TFCP2L1: variants seen among roughly 807,000 people sequenced by gnomAD.
TFCP2L1 encodes the protein transcription factor CP2-like protein 1.
In TFCP2L1, 12 loss-of-function variants were observed where a neutral mutation model predicts 72.2. The observed-to-expected ratio is 0.17, with a 90% CI of 0.11 to 0.27. The LOEUF (loss-of-function observed/expected upper bound fraction) is 0.27. Among genes scored for constraint, TFCP2L1 ranks in the 10% least tolerant of loss-of-function variants. TFCP2L1 has a pLI of 1.00. For synonymous variants in TFCP2L1, 260 were observed against 251.0 expected (o/e 1.04, Z -0.34); for missense variants, 488 against 624.6 (o/e 0.78, Z 2.33).
Position 121,255,831 on chromosome 2 carries a change from C to T in TFCP2L1, c.215-6184G>A, listed in dbSNP as rs543134840. 2.8e-4 allele frequency among the ~76,000 whole-genome samples: 42 copies of T among 152,232 alleles called. 1 individual carries two copies. The highest frequency in any genetic ancestry group is 5.2e-4 in the Admixed American group (8 of 15,290). ...GATCTCGGCTCACTGCAAGCTCTGC[C>T]TCCCGGGTTCACGCCATTCTCCTGC... On this transcript the variant is annotated intron_variant, in intron 2 of 14. Coordinates refer to ENST00000263707, the MANE Select transcript of TFCP2L1 (RefSeq NM_014553.3).
chr2:121,249,538 C>T, intron 3 of TFCP2L1, 33 bp downstream of exon 3: 1 of 1,609,038 alleles, frequency 6.2e-7, no homozygotes, highest in Admixed American at 1.7e-5. Flanking sequence ...AGCCCCTCTC[C>T]CCGAGGCAAT....
intron 2 of TFCP2L1, 66 bp from the exon 3 acceptor site, chr2:121,249,713 A>G: frequency 6.5e-7 from 1 of 1,545,988 alleles, no homozygotes; most frequent in Non-Finnish European, 8.9e-7. Context: ...TCATTCAGCT[A>G]GCAGCCTTCT....
intron 13 of TFCP2L1, among the ~76,000 whole-genome samples, chr2:121,230,155 G>C (rs1173355206): frequency 6.6e-6 from 1 of 152,098 alleles, no homozygotes; most frequent in East Asian, 1.9e-4. Context: ...ACAGTCCTAT[G>C]TTTTTGTTTG....
Position 121,276,879 on chromosome 2 carries a change from A to T in TFCP2L1, c.214+4241T>A, listed in dbSNP as rs762112631. The stretch of plus-strand genomic sequence containing the variant: ...AGCCATTTTCTTTTAAGCATAAAAG[A>T]AAAGTTTATTTCAAAGAATGAAAGA... On this transcript the variant is annotated intron_variant, in intron 2 of 14. Coordinates refer to ENST00000263707, the MANE Select transcript of TFCP2L1 (RefSeq NM_014553.3). Among the ~76,000 whole-genome samples, 46 of 152,082 alleles carry T rather than the reference A, an allele frequency of 3.0e-4. 1 individual carries two copies. Among genetic ancestry groups the T allele is most frequent in the Non-Finnish European group, 5.9e-4 (40 of 68,028 alleles).
In TFCP2L1 at chr2:121,248,236, C is replaced by T; in HGVS notation, c.432G>A (p.Arg144=). 5 of 1,614,018 alleles carry T rather than the reference C, an allele frequency of 3.1e-6. No homozygotes were observed. The highest frequency in any genetic ancestry group is 4.2e-6 in the Non-Finnish European group (5 of 1,179,994). Residue 144 remains arginine, a synonymous_variant, in exon 5 of 15, where the codon AGG becomes AGA. Transcript: ENST00000263707. ...IPLSVGILDP[R]ASPTQLNAVE... Reference sequence around the variant, plus strand: ...CTGCATTCAGCTGGGTCGGGCTGGCCCTGGGGTCCAAGATACCAACAGACA... The same window carrying T: ...CTGCATTCAGCTGGGTCGGGCTGGCTCTGGGGTCCAAGATACCAACAGACA...
intron 5 of TFCP2L1, among the ~76,000 whole-genome samples, chr2:121,247,779 T>A (rs1036881248): frequency 2.0e-5 from 3 of 152,116 alleles, no homozygotes; most frequent in Admixed American, 2.0e-4. Flanking sequence ...ACCACCTTGA[T>A]CTCACATGGC....
At chr2:121,224,740 T>C (rs898449447) in intron 14 of TFCP2L1, among the ~76,000 whole-genome samples, 2 of 152,132 alleles carry the variant, frequency 1.3e-5, no homozygotes, top group African/African-American at 4.8e-5. Context: ...CCCAGCACTT[T>C]GGGAGGCCAA....
chr2:121,256,265 GA>G (rs1197217376), intron 2 of TFCP2L1, among the ~76,000 whole-genome samples: 1 of 151,962 alleles, frequency 6.6e-6, no homozygotes, highest in Non-Finnish European at 1.5e-5. Context: ...GCCATACTCT[GA>G]ACATACTGTA....
rs577416593 is a variant in TFCP2L1, at chr2:121,270,317, T to G, written c.214+10803A>C. Among the ~76,000 whole-genome samples, 3 of 152,302 alleles carry G rather than the reference T, an allele frequency of 2.0e-5. No homozygotes were observed. In the East Asian group the frequency reaches 5.8e-4, roughly 29 times the overall value. On this transcript the variant is annotated intron_variant, in intron 2 of 14. Transcript: ENST00000263707. ...TCTGCCCTCAAGTTTATATTTCATGTGTGGCAGAGACTGGAAAAAGATAAG... is the reference window on the plus strand; with the variant it reads ...TCTGCCCTCAAGTTTATATTTCATGGGTGGCAGAGACTGGAAAAAGATAAG...
rs772008581 is a variant in TFCP2L1, at chr2:121,281,195, G to C, written c.139C>G (p.Leu47Val). The change falls in exon 2 of 15, where the codon CTG (leucine) becomes GTG (valine). Residue 47 changes from leucine (L) to valine (V), a missense_variant. By Grantham distance (32) the Leu-to-Val change is conservative. Coordinates refer to ENST00000263707, the MANE Select transcript of TFCP2L1 (RefSeq NM_014553.3). The stretch of plus-strand genomic sequence containing the variant: ...GTGGCAGCACACAACACATATTGCA[G>C]GGGTGGCAGGCGGGCCTCGTTCTCG... Reference protein sequence around the residue: ...SPENEARLPPLQYVLCAATSP... With the variant: ...SPENEARLPPVQYVLCAATSP... 1.9e-6 allele frequency: 3 copies of C among 1,613,556 alleles called. No homozygotes were observed. The South Asian group carries it at 3.3e-5, about 18-fold the overall frequency.
At chr2:121,269,284 A>C (rs1268543685) in intron 2 of TFCP2L1, among the ~76,000 whole-genome samples, 1 of 151,938 alleles carries the variant, frequency 6.6e-6, no homozygotes, top group African/African-American at 2.4e-5. Context: ...TCCCAACTCT[A>C]CAAAAATACA....
At chr2:121,269,290 A>C (rs1271433621) in intron 2 of TFCP2L1, among the ~76,000 whole-genome samples, 1 of 151,886 alleles carries the variant, frequency 6.6e-6, no homozygotes, top group Non-Finnish European at 1.5e-5. Context: ...CTCTACAAAA[A>C]TACAAAAATT....
At chr2:121,227,070 T>C (rs1158168660) in intron 13 of TFCP2L1, among the ~76,000 whole-genome samples, 1 of 152,202 alleles carries the variant, frequency 6.6e-6, no homozygotes, top group Non-Finnish European at 1.5e-5. Context: ...TACTTCAACA[T>C]GCATGACCTT....
intron 2 of TFCP2L1, among the ~76,000 whole-genome samples, chr2:121,280,654 G>A (rs1177968744): frequency 6.6e-6 from 1 of 151,802 alleles, no homozygotes; most frequent in African/African-American, 2.4e-5. Context: ...CCAGCTACTT[G>A]GGAGGTTAAG....
intron 2 of TFCP2L1, 119 bp downstream of exon 2, chr2:121,281,000 CG>C: frequency 7.6e-7 from 1 of 1,313,490 alleles, no homozygotes; most frequent in Non-Finnish European, 1.0e-6. Context: ...TTCTCTTTCC[CG>C]AGCCCGACCT....
At chr2:121,271,390 C>G (rs1687045187) in intron 2 of TFCP2L1, among the ~76,000 whole-genome samples, 1 of 151,996 alleles carries the variant, frequency 6.6e-6, no homozygotes, top group African/African-American at 2.4e-5. Context: ...GGCACATTTT[C>G]TAGAGTATAT....
intron 2 of TFCP2L1, among the ~76,000 whole-genome samples, chr2:121,267,737 C>A (rs767782592): frequency 6.6e-6 from 1 of 152,160 alleles, no homozygotes; most frequent in Admixed American, 6.5e-5. Flanking sequence ...TCAAGTGATG[C>A]GCCTGCCTTG....
chr2:121,233,268 C>T (rs767095299), intron 12 of TFCP2L1, among the ~76,000 whole-genome samples: 3 of 152,148 alleles, frequency 2.0e-5, no homozygotes, highest in African/African-American at 4.8e-5. Flanking sequence ...TCTCGGCTCA[C>T]TGCAACCTCC....
At chr2:121,272,778 C>T (rs537819252) in intron 2 of TFCP2L1, among the ~76,000 whole-genome samples, 28 of 152,246 alleles carry the variant, frequency 1.8e-4, no homozygotes, top group South Asian at 4.2e-4. Flanking sequence ...CTCATTTTAC[C>T]CATATGGCAG....
Sources: allele counts gnomAD v4.1 joint callset (sites outside exome capture counted in the v4.1 genomes callset), GRCh38; gene constraint gnomAD v4.1.1; transcripts MANE v1.5; gene names NCBI Gene and HGNC (gene_info 2026-07-23, HGNC 2026-07-21).